TBL1XR1: variants seen among roughly 807,000 people sequenced by gnomAD.
The protein encoded by TBL1XR1 is TBL1X/Y related 1.
A neutral mutation model predicts 66.9 loss-of-function variants in TBL1XR1; 5 were observed. That is an observed-to-expected ratio of 0.07 (90% CI 0.04 to 0.16). The LOEUF (loss-of-function observed/expected upper bound fraction) is 0.16. Ranked by LOEUF, TBL1XR1 falls within the 10% of genes least tolerant of loss-of-function variation. The pLI, the probability that TBL1XR1 is intolerant of heterozygous loss-of-function variation, is 1.00. For missense variants in TBL1XR1, 238 were observed against 623.2 expected (o/e 0.38, Z 6.58); for synonymous variants, 210 against 206.0 (o/e 1.02, Z -0.17).
chr3:177,053,396 G>A (rs1020101875), intron 4 of TBL1XR1, among the ~76,000 whole-genome samples: 26 of 152,158 alleles, frequency 1.7e-4, no homozygotes, highest in Non-Finnish European at 1.3e-4. Flanking sequence ...TAGATAGGCA[G>A]TACCATCCAG....
chr3:177,185,446 T>A (rs1047408688), intron 1 of TBL1XR1, among the ~76,000 whole-genome samples: 3 of 151,804 alleles, frequency 2.0e-5, no homozygotes, highest in African/African-American at 7.3e-5. Context: ...CCATTTCTAC[T>A]TAAGTACAAA....
chr3:177,053,979 C>G, intron 3 of TBL1XR1, 61 bp from the exon 4 acceptor site: 1 of 1,510,786 alleles, frequency 6.6e-7, no homozygotes, highest in Non-Finnish European at 9.0e-7. Flanking sequence ...CTAAATGACA[C>G]AGAAAGAAAG....
intron 1 of TBL1XR1, among the ~76,000 whole-genome samples, chr3:177,173,734 C>T (rs1733834150): frequency 6.6e-6 from 1 of 152,066 alleles, no homozygotes; most frequent in Non-Finnish European, 1.5e-5. Flanking sequence ...TAGTATTATA[C>T]CAATGTTCAT....
In TBL1XR1 at chr3:177,197,426, G is replaced by A. The variant is rs1475478152; in HGVS notation, c.-427C>T. 2 of 146,220 alleles carry A rather than the reference G, an allele frequency of 1.4e-5. No homozygotes were observed. The highest frequency in any genetic ancestry group is 3.6e-4 in the South Asian group (2 of 5,512). 9.1% of individuals were successfully genotyped at this position (146,220 alleles called of 1,614,324 possible). A position where few individuals can be genotyped will look rare whatever the true frequency, so the allele number is the denominator to read the frequency against. On this transcript the variant is annotated 5_prime_UTR_variant, in exon 1 of 16. Transcript: ENST00000457928. ...CGCGCGGGGGAAGGGCGCGAGCGGG[G>A]AGAGGAATTGAGGCAGAAGGTAAAA...
intron 1 of TBL1XR1, among the ~76,000 whole-genome samples, chr3:177,174,408 CAAAAA>C (rs59132617): frequency 3.6e-4 from 21 of 58,302 alleles, no homozygotes; most frequent in African/African-American, 1.2e-3. Flanking sequence ...GACTCCATCT[CAAAAA>C]AAAAAAAAAA....
chr3:177,175,595 A>T (rs1734059850), intron 1 of TBL1XR1, among the ~76,000 whole-genome samples: 1 of 152,150 alleles, frequency 6.6e-6, no homozygotes, highest in Non-Finnish European at 1.5e-5. Context: ...TATATATGCA[A>T]TCATAGGGTT....
chr3:177,067,980 T>C (rs1719389949), intron 2 of TBL1XR1, among the ~76,000 whole-genome samples: 1 of 152,214 alleles, frequency 6.6e-6, no homozygotes, highest in Non-Finnish European at 1.5e-5. Context: ...TCCTCCATTC[T>C]GGTATCTTTT....
chr3:177,066,117 C>T (rs1243110729), intron 2 of TBL1XR1, among the ~76,000 whole-genome samples: 1 of 152,044 alleles, frequency 6.6e-6, no homozygotes, highest in Admixed American at 6.6e-5. Context: ...GCTGGTTGTC[C>T]TGCCACATCA....
chr3:177,138,529 T>C (rs1188020761), intron 1 of TBL1XR1, among the ~76,000 whole-genome samples: 1 of 151,608 alleles, frequency 6.6e-6, no homozygotes, highest in Non-Finnish European at 1.5e-5. Flanking sequence ...AGGTTGAGGC[T>C]GGAGTGAGCC....
chr3:177,095,492 T>TA (rs1169111044), intron 2 of TBL1XR1, among the ~76,000 whole-genome samples: 1 of 96,916 alleles, frequency 1.0e-5, no homozygotes, highest in Non-Finnish European at 2.1e-5. Flanking sequence ...AAGGTGCAAT[T>TA]AGATTTTTTT....
At chr3:177,145,475 C>A (rs1251983555) in intron 1 of TBL1XR1, among the ~76,000 whole-genome samples, 3 of 152,064 alleles carry the variant, frequency 2.0e-5, no homozygotes, top group African/African-American at 7.2e-5. Flanking sequence ...AACAGCCTCT[C>A]AAAGTTCGCA....
At chr3:177,103,573 T>C (rs1027282193) in intron 1 of TBL1XR1, among the ~76,000 whole-genome samples, 1 of 152,216 alleles carries the variant, frequency 6.6e-6, no homozygotes, top group Admixed American at 6.5e-5. Flanking sequence ...AAGCAAATGA[T>C]ATATTTTGAC....
chr3:177,112,542 GATAAA>G lies in TBL1XR1; in HGVS notation c.-121-14006_-121-14002del, dbSNP rs1389160945. ...ATGGTTAAACATTCTTATCAGAGGT[GATAAA>G]ATGAGTATTAAACTCTACATTGCTG... is the stretch of plus-strand genomic sequence containing the variant. On this transcript the variant is annotated intron_variant, in intron 1 of 15. Coordinates refer to ENST00000457928, the MANE Select transcript of TBL1XR1 (RefSeq NM_024665.7). Among the ~76,000 whole-genome samples the G allele has an allele frequency of 6.6e-5, 10 of 152,200 alleles. No homozygotes were observed. The East Asian group carries it at 1.9e-3, about 29-fold the overall frequency.
chr3:177,193,808 A>G (rs1206150996), intron 1 of TBL1XR1, among the ~76,000 whole-genome samples: 1 of 152,226 alleles, frequency 6.6e-6, no homozygotes, highest in Admixed American at 6.5e-5. Context: ...AATTCCGCAG[A>G]TTCAGTCATC....
At chr3:177,124,543 C>A in intron 1 of TBL1XR1, among the ~76,000 whole-genome samples, 1 of 152,052 alleles carries the variant, frequency 6.6e-6, no homozygotes, top group East Asian at 1.9e-4. Context: ...GCTAAATAAA[C>A]AAACTCCTCA....
intron 2 of TBL1XR1, among the ~76,000 whole-genome samples, chr3:177,083,544 G>A (rs1266296956): frequency 6.6e-6 from 1 of 152,032 alleles, no homozygotes; most frequent in Non-Finnish European, 1.5e-5. Context: ...CATATTAACA[G>A]GAATCTGACT....
At chr3:177,059,961 C>T (rs1210539916) in intron 3 of TBL1XR1, among the ~76,000 whole-genome samples, 3 of 152,182 alleles carry the variant, frequency 2.0e-5, no homozygotes, top group Non-Finnish European at 4.4e-5. Context: ...TGCCCTCGAA[C>T]ATCAGATTCC....
At chr3:177,088,791 C>A (rs1722472322) in intron 2 of TBL1XR1, among the ~76,000 whole-genome samples, 2 of 151,988 alleles carry the variant, frequency 1.3e-5, no homozygotes, top group Admixed American at 1.3e-4. Context: ...TGGGAATCAG[C>A]TCTCCAGAGG....
chr3:177,093,809 T>C (rs1723124002), intron 2 of TBL1XR1, among the ~76,000 whole-genome samples: 1 of 152,176 alleles, frequency 6.6e-6, no homozygotes, highest in Non-Finnish European at 1.5e-5. Flanking sequence ...TCTCACCTTA[T>C]ACAAAAATCA....
Sources: gnomAD v4.1 joint callset for allele counts (sites outside exome capture counted in the v4.1 genomes callset) on GRCh38, gnomAD v4.1.1 for gene constraint, MANE v1.5 for transcripts, NCBI Gene and HGNC (gene_info 2026-07-23, HGNC 2026-07-21) for gene names.